RIN2: variants seen among roughly 807,000 people sequenced by gnomAD.
RIN2 encodes RAB5 interacting protein 2.
RIN2 carries 36 observed loss-of-function variants against 78.0 expected under a neutral mutation model. That is an observed-to-expected ratio of 0.46 (90% CI 0.35 to 0.61). RIN2 has a LOEUF of 0.61. Among genes scored for constraint, RIN2 ranks in the 20% least tolerant of loss-of-function variants. RIN2 has a pLI of 0.00. For missense variants in RIN2, 1,087 were observed against 1,159.7 expected, an observed-to-expected ratio of 0.94 and a Z score of 0.91; for synonymous variants, 466 against 466.8, an observed-to-expected ratio of 1.00 and a Z score of 0.02.
intron 1 of RIN2, among the ~76,000 whole-genome samples, chr20:19,771,286 C>T (rs1050576918): frequency 6.6e-6 from 1 of 152,208 alleles, no homozygotes; most frequent in Non-Finnish European, 1.5e-5. Flanking sequence ...GGACTGCCAG[C>T]TGTCAATCAG....
At chr20:19,827,083 C>A (rs1428744144) in intron 2 of RIN2, among the ~76,000 whole-genome samples, 4 of 148,834 alleles carry the variant, frequency 2.7e-5, no homozygotes, top group Non-Finnish European at 5.9e-5. Flanking sequence ...TCAAGTGATT[C>A]TCCTGCCTCA....
At chr20:19,893,669 G>T (rs1258920769) in intron 3 of RIN2, among the ~76,000 whole-genome samples, 1 of 152,174 alleles carries the variant, frequency 6.6e-6, no homozygotes, top group African/African-American at 2.4e-5. Flanking sequence ...CATCCCAGAA[G>T]CTCCGACCAC....
intron 3 of RIN2, among the ~76,000 whole-genome samples, chr20:19,894,246 A>G (rs975194581): frequency 1.3e-5 from 2 of 152,188 alleles, no homozygotes; most frequent in Non-Finnish European, 2.9e-5. Context: ...CTAGGCTGGG[A>G]AAGCTATTGG....
At chr20:19,844,293 G>A (rs1016503958) in intron 2 of RIN2, among the ~76,000 whole-genome samples, 3 of 152,150 alleles carry the variant, frequency 2.0e-5, no homozygotes, top group South Asian at 2.1e-4. Context: ...ATTCTACTAA[G>A]ATATAAGCTA....
At chr20:19,806,575 C>T (rs779136035) in intron 2 of RIN2, among the ~76,000 whole-genome samples, 41 of 152,166 alleles carry the variant, frequency 2.7e-4, no homozygotes, top group Non-Finnish European at 4.9e-4. Context: ...TCAGCTTTTA[C>T]GTGTGCAACA....
chr20:19,949,797 A>C (rs1162125654), intron 4 of RIN2, among the ~76,000 whole-genome samples: 1 of 152,168 alleles, frequency 6.6e-6, no homozygotes, highest in Non-Finnish European at 1.5e-5. Context: ...GTAGACTGTA[A>C]TGTCTTCTGG....
At chr20:19,893,985 T>C (rs572042054) in intron 3 of RIN2, among the ~76,000 whole-genome samples, 2 of 152,262 alleles carry the variant, frequency 1.3e-5, no homozygotes, top group East Asian at 3.9e-4. Context: ...GGCAGGAGAA[T>C]GGCTTGAACC....
chr20:19,859,356 T>C (rs762390331), intron 2 of RIN2, among the ~76,000 whole-genome samples: 2 of 152,232 alleles, frequency 1.3e-5, no homozygotes, highest in Non-Finnish European at 2.9e-5. Flanking sequence ...ACTCTACCAC[T>C]TATTAATTGT....
intron 11 of RIN2, among the ~76,000 whole-genome samples, chr20:19,995,219 C>G (rs563178420): frequency 6.8e-6 from 1 of 146,052 alleles, no homozygotes; most frequent in Non-Finnish European, 1.5e-5. Context: ...AAACTAACTT[C>G]TGGTCCCTGC....
chr20:19,797,596 G>T (rs1220086827), intron 1 of RIN2, among the ~76,000 whole-genome samples: 1 of 152,190 alleles, frequency 6.6e-6, no homozygotes, highest in Non-Finnish European at 1.5e-5. Context: ...GTAAAGATTA[G>T]AAGACATTGT....
chr20:19,846,264 G>GA (rs1254590032), intron 2 of RIN2, among the ~76,000 whole-genome samples: 30 of 152,314 alleles, frequency 2.0e-4, no homozygotes, highest in African/African-American at 7.2e-4. Flanking sequence ...ATTGTGTGAA[G>GA]AAAGTCAATG....
At chr20:19,775,316 C>T (rs1420460351) in intron 1 of RIN2, among the ~76,000 whole-genome samples, 3 of 152,156 alleles carry the variant, frequency 2.0e-5, no homozygotes, top group South Asian at 2.1e-4. Context: ...TCTGTGAAAA[C>T]GTGGCAGTGC....
At chr20:19,758,966 C>G (rs368641803) in intron 1 of RIN2, among the ~76,000 whole-genome samples, 2 of 152,190 alleles carry the variant, frequency 1.3e-5, no homozygotes, top group African/African-American at 4.8e-5. Flanking sequence ...GATGGCTGCG[C>G]AGCGGGCGGA....
rs16981333 is a variant in RIN2, at chr20:19,935,500, T to C, written c.158+301T>C. 0.093 allele frequency: 105,348 copies of C among 1,135,012 alleles called. 5,349 individuals carry two copies. The highest frequency in any genetic ancestry group is 0.25 in the East Asian group (5,057 of 20,320). 70.3% of individuals were successfully genotyped at this position (1,135,012 alleles called of 1,614,324 possible). On this transcript the variant is annotated intron_variant, in intron 4 of 12. Coordinates refer to ENST00000255006, the MANE Select transcript of RIN2 (RefSeq NM_018993.4). ...CTACTCCCAATGATGGAAACAGTAA[T>C]GCAGCAAGATCCAGCGTGTGCAAAG... is the stretch of plus-strand genomic sequence containing the variant.
chr20:19,776,343 G>T (rs893945040), intron 1 of RIN2, among the ~76,000 whole-genome samples: 12 of 152,164 alleles, frequency 7.9e-5, no homozygotes, highest in African/African-American at 2.7e-4. Flanking sequence ...GCTACCTGGA[G>T]GCTTTATTTG....
intron 4 of RIN2, chr20:19,935,638 A>C: frequency 3.0e-6 from 3 of 988,698 alleles, no homozygotes; most frequent in South Asian, 9.3e-5. Flanking sequence ...GTCTCCAAAA[A>C]ACCATTAACC....
chr20:19,821,434 C>A (rs2035923476), intron 2 of RIN2, among the ~76,000 whole-genome samples: 1 of 152,102 alleles, frequency 6.6e-6, no homozygotes, highest in Admixed American at 6.5e-5. Context: ...TGGCCATCCA[C>A]AATGTCACTC....
chr20:19,854,664 T>A (rs941063290), intron 2 of RIN2, among the ~76,000 whole-genome samples: 6 of 152,236 alleles, frequency 3.9e-5, no homozygotes, highest in Non-Finnish European at 5.9e-5. Flanking sequence ...AGTTCACTCA[T>A]GATTTGGCTC....
intron 12 of RIN2, 65 bp from the exon 13 acceptor site, chr20:20,000,547 TC>T: frequency 7.8e-7 from 1 of 1,286,408 alleles, no homozygotes; most frequent in South Asian, 1.4e-5. Flanking sequence ...CCTCCCCTGG[TC>T]CCCCATCATG....
Sources: allele counts gnomAD v4.1 joint callset (sites outside exome capture counted in the v4.1 genomes callset), GRCh38; gene constraint gnomAD v4.1.1; transcripts MANE v1.5; gene names NCBI Gene and HGNC (gene_info 2026-07-23, HGNC 2026-07-21).